PSMA6: variants seen among roughly 807,000 people sequenced by gnomAD.
PSMA6 encodes the protein proteasome subunit alpha type-6.
For missense variants in PSMA6, 170 were observed against 294.8 expected, an observed-to-expected ratio of 0.58 and a Z score of 3.10; for synonymous variants, 88 against 97.7, an observed-to-expected ratio of 0.90 and a Z score of 0.59.
In PSMA6 at chr14:35,314,151, A is replaced by C. The variant is rs1360208511; in HGVS notation, c.589-210A>C. On this transcript the variant is annotated intron_variant, in intron 5 of 6. Coordinates refer to ENST00000261479, the MANE Select transcript of PSMA6 (RefSeq NM_002791.3). The stretch of plus-strand genomic sequence containing the variant: ...TTGTATAAATCATCCTATTTTAATT[A>C]ATGGACCCCTTTATTATTTGACTTG... The C allele has an allele frequency of 1.2e-5, 4 of 329,830 alleles. No homozygotes were observed. In the East Asian group the frequency reaches 2.4e-4, roughly 20 times the overall value. 20.4% of individuals were successfully genotyped at this position (329,830 alleles called of 1,614,324 possible).
At chr14:35,311,001 G>A in intron 4 of PSMA6, 106 bp downstream of exon 4, 2 of 1,112,918 alleles carry the variant, frequency 1.8e-6, no homozygotes, top group South Asian at 1.6e-5. Flanking sequence ...CATGTGGTTT[G>A]GAAAATACAT....
rs567691893 is a variant in PSMA6 at position 35,292,627 on chromosome 14, G to T, written c.76+75G>T. 334 of 1,571,278 alleles carry T rather than the reference G, an allele frequency of 2.1e-4. 2 individuals carry two copies. The African/African-American group carries it at 2.6e-3, about 12-fold the overall frequency. On this transcript the variant is annotated intron_variant, in intron 1 of 6. Transcript: ENST00000261479. ...TACGTGCCTGGAGCGAGCAGACGCG[G>T]CCCGGGTTTAGTCTGGGGCCGAAGC...
intron 1 of PSMA6, among the ~76,000 whole-genome samples, chr14:35,305,896 G>C (rs1029272018): frequency 6.6e-6 from 1 of 150,914 alleles, no homozygotes; most frequent in Admixed American, 6.6e-5. Flanking sequence ...CAGCCTGGGC[G>C]ACATAGCAAG....
chr14:35,282,561 AAACGTAACTTTT>A (rs1241699431), intron 1 of PSMA6, among the ~76,000 whole-genome samples: 6 of 151,970 alleles, frequency 3.9e-5, no homozygotes, highest in South Asian at 2.1e-4. Context: ...CACCTAACCT[AAACGTAACTTTT>A]AACGTTGCAA....
intron 1 of PSMA6, among the ~76,000 whole-genome samples, chr14:35,283,644 C>A (rs933057684): frequency 1.3e-5 from 2 of 151,470 alleles, no homozygotes; most frequent in Non-Finnish European, 2.9e-5. Flanking sequence ...CAGCCTCGAC[C>A]TCCTGGGCTC....
At chr14:35,281,905 A>G (rs989928409) in intron 1 of PSMA6, among the ~76,000 whole-genome samples, 4 of 152,074 alleles carry the variant, frequency 2.6e-5, no homozygotes, top group African/African-American at 9.7e-5. Flanking sequence ...TACTTTTTCT[A>G]CCTACATCCA....
chr14:35,306,884 C>T (rs941229400), intron 1 of PSMA6, among the ~76,000 whole-genome samples: 2 of 151,946 alleles, frequency 1.3e-5, no homozygotes, highest in Admixed American at 6.6e-5. Flanking sequence ...TGGTGGCTCA[C>T]GCCTGTAATC....
At chr14:35,279,447 A>G (rs1318291985) in intron 1 of PSMA6, among the ~76,000 whole-genome samples, 1 of 152,250 alleles carries the variant, frequency 6.6e-6, no homozygotes, top group African/African-American at 2.4e-5. Flanking sequence ...GCATAGCTGT[A>G]TACTCACAAA....
chr14:35,286,123 A>G (rs1566548346), intron 1 of PSMA6, among the ~76,000 whole-genome samples: 1 of 152,220 alleles, frequency 6.6e-6, no homozygotes, highest in Non-Finnish European at 1.5e-5. Context: ...AAGTGGGTAC[A>G]GCATACTCAC....
At chr14:35,309,049 T>C in intron 3 of PSMA6, 54 bp downstream of exon 3, 3 of 1,298,708 alleles carry the variant, frequency 2.3e-6, no homozygotes, top group South Asian at 1.3e-5. Flanking sequence ...CCTTTTGTTA[T>C]TTTCTTCAAA....
chr14:35,308,203 C>T, intron 2 of PSMA6, 115 bp downstream of exon 2: 3 of 1,380,668 alleles, frequency 2.2e-6, no homozygotes, highest in South Asian at 2.6e-5. Flanking sequence ...GGGCAGATCA[C>T]CTTAGATCGG....
At chr14:35,304,870 C>G (rs1207887419) in intron 1 of PSMA6, among the ~76,000 whole-genome samples, 1 of 152,048 alleles carries the variant, frequency 6.6e-6, no homozygotes, top group Admixed American at 6.6e-5. Context: ...TCATTTGAGG[C>G]CAAGAGTTTG....
chr14:35,308,866 A>T (rs764868577), intron 2 of PSMA6, 48 bp from the exon 3 acceptor site: 1 of 1,374,694 alleles, frequency 7.3e-7, no homozygotes, highest in Admixed American at 1.9e-5. Flanking sequence ...ACTACACAGA[A>T]ACCTGTATGT....
chr14:35,280,249 G>A (rs2051352360), intron 1 of PSMA6, among the ~76,000 whole-genome samples: 3 of 152,112 alleles, frequency 2.0e-5, no homozygotes. Context: ...AGACCAGGCT[G>A]GCCAACATGG....
At chr14:35,293,507 T>C (rs2051527828) in intron 1 of PSMA6, among the ~76,000 whole-genome samples, 1 of 152,208 alleles carries the variant, frequency 6.6e-6, no homozygotes, top group Non-Finnish European at 1.5e-5. Context: ...TGCACAGTAA[T>C]ATAATCATCT....
chr14:35,285,252 G>C (rs548963045), intron 1 of PSMA6, among the ~76,000 whole-genome samples: 1 of 151,886 alleles, frequency 6.6e-6, no homozygotes, highest in South Asian at 2.1e-4. Context: ...AGGCTGAAGT[G>C]GGAGGATCGC....
upstream of PSMA6, among the ~76,000 whole-genome samples, chr14:35,289,849 G>C (rs1339808398): frequency 2.0e-5 from 3 of 148,340 alleles, no homozygotes. Flanking sequence ...CTTGAGCGCA[G>C]GAGTTCAAGG....
intron 1 of PSMA6, 89 bp downstream of exon 1, chr14:35,292,641 T>C: frequency 1.3e-6 from 2 of 1,556,970 alleles, no homozygotes; most frequent in African/African-American, 1.4e-5. Flanking sequence ...GGGTTTAGTC[T>C]GGGGCCGAAG....
intron 1 of PSMA6, among the ~76,000 whole-genome samples, chr14:35,294,148 A>C (rs1053980446): frequency 1.3e-5 from 2 of 152,208 alleles, no homozygotes; most frequent in Non-Finnish European, 2.9e-5. Context: ...GGGTTCAAGC[A>C]ATTCTGCCTC....
Sources: gnomAD v4.1 joint callset for allele counts (sites outside exome capture counted in the v4.1 genomes callset) on GRCh38, gnomAD v4.1.1 for gene constraint, MANE v1.5 for transcripts, NCBI Gene and HGNC (gene_info 2026-07-23, HGNC 2026-07-21) for gene names.